GPM6A: variants seen among roughly 807,000 people sequenced by gnomAD.
GPM6A encodes glycoprotein M6A.
Under a neutral mutation model 32.1 loss-of-function variants are expected in GPM6A, and 7 were observed. The observed-to-expected ratio is 0.22, with a 90% confidence interval of 0.12 to 0.41. The LOEUF is 0.41. Among genes scored for constraint, GPM6A ranks in the 10% least tolerant of loss-of-function variants. The pLI is 1.00. For missense variants in GPM6A, 235 were observed against 347.2 expected (o/e 0.68, Z 2.57); for synonymous variants, 130 against 123.4 (o/e 1.05, Z -0.35).
chr4:175,963,803 A>AT (rs1180010375), intron 1 of GPM6A, among the ~76,000 whole-genome samples: 2 of 152,126 alleles, frequency 1.3e-5, no homozygotes, highest in Non-Finnish European at 1.5e-5. Flanking sequence ...GTATTCGATG[A>AT]TTTTATCTCA....
intron 1 of GPM6A, among the ~76,000 whole-genome samples, chr4:175,719,204 T>A (rs1325495964): frequency 3.0e-5 from 1 of 32,802 alleles, no homozygotes; most frequent in African/African-American, 6.8e-5. Context: ...ATAACACAAC[T>A]TTTTTTTTTT....
At chr4:175,670,021 C>G (rs74977362) in intron 3 of GPM6A, among the ~76,000 whole-genome samples, 3 of 151,170 alleles carry the variant, frequency 2.0e-5, no homozygotes, top group African/African-American at 7.4e-5. Flanking sequence ...AAAAAATCAA[C>G]CCGGTGACAC....
chr4:175,925,944 C>T (rs1248666021), intron 1 of GPM6A, among the ~76,000 whole-genome samples: 1 of 151,012 alleles, frequency 6.6e-6, no homozygotes, highest in African/African-American at 2.4e-5. Flanking sequence ...CTCTGCCTTC[C>T]AGGTTCAAGC....
At chr4:175,901,685 T>G (rs978842269) in intron 1 of GPM6A, among the ~76,000 whole-genome samples, 1 of 148,234 alleles carries the variant, frequency 6.7e-6, no homozygotes, top group Non-Finnish European at 1.5e-5. Flanking sequence ...TCTCCCAGGC[T>G]GGAGTGCAGT....
At chr4:175,719,456 A>G (rs1396093849) in intron 1 of GPM6A, among the ~76,000 whole-genome samples, 4 of 152,178 alleles carry the variant, frequency 2.6e-5, no homozygotes, top group Admixed American at 2.0e-4. Context: ...ATTTTAAGCC[A>G]TATTCTCAAA....
At chr4:175,757,582 G>T (rs1032728606) in intron 1 of GPM6A, among the ~76,000 whole-genome samples, 2 of 152,124 alleles carry the variant, frequency 1.3e-5, no homozygotes, top group Admixed American at 1.3e-4. Context: ...CAAAGACTAG[G>T]TTCAAAATGA....
At position 175,634,394 on chromosome 4, in the gene GPM6A, T is replaced by G. The variant is rs1329306127; in HGVS notation, c.*511A>C. Reference sequence around the variant, plus strand: ...GCCTACAGTAATATGGCCACTGATCTTCAGACAAAATTTCCATATTTCAAG... The same window carrying G: ...GCCTACAGTAATATGGCCACTGATCGTCAGACAAAATTTCCATATTTCAAG... On this transcript the variant is annotated 3_prime_UTR_variant, in exon 7 of 7. Transcript: ENST00000393658. 6.6e-6 allele frequency: 1 copy of G among 152,656 alleles called. No homozygotes were observed. Among genetic ancestry groups the G allele is most frequent in the African/African-American group, 2.4e-5 (1 of 41,450 alleles). The allele number at this position is 152,656 out of a possible 1,614,324, so 9.5% of individuals were successfully genotyped here. A position where few individuals can be genotyped will look rare whatever the true frequency, so the allele number is the denominator to read the frequency against.
In GPM6A at chr4:175,651,889, G is replaced by A. The variant is rs753324121; in HGVS notation, c.486C>T (p.Cys162=). 5 of 1,613,440 alleles carry A rather than the reference G, an allele frequency of 3.1e-6. No individual in the cohort carries two copies. The highest frequency in any genetic ancestry group is 1.7e-5 in the Admixed American group (1 of 59,966). ...CTCCCTCCACTAATGTGGTGTTCCG[G>A]CAGATGGTCCACAGATTGAAGTACA... ...VYMYFNLWTI[C]RNTTLVEGAN... is the part of the protein sequence containing the mutation. Residue 162 remains cysteine, a synonymous_variant, in exon 4 of 7, where the codon TGC becomes TGT. Coordinates refer to ENST00000393658, the MANE Select transcript of GPM6A (RefSeq NM_201591.3).
At chr4:175,925,522 A>C (rs1032309844) in intron 1 of GPM6A, among the ~76,000 whole-genome samples, 1 of 152,218 alleles carries the variant, frequency 6.6e-6, no homozygotes, top group African/African-American at 2.4e-5. Flanking sequence ...TTACAAGCTC[A>C]TTCTGCTGAA....
chr4:175,754,647 AC>A (rs1050174123), intron 1 of GPM6A, among the ~76,000 whole-genome samples: 2 of 152,176 alleles, frequency 1.3e-5, no homozygotes, highest in African/African-American at 2.4e-5. Flanking sequence ...GCACAATAAC[AC>A]TCAAAGTAAA....
At chr4:175,952,703 T>A (rs1471248603) in intron 1 of GPM6A, among the ~76,000 whole-genome samples, 1 of 152,088 alleles carries the variant, frequency 6.6e-6, no homozygotes, top group African/African-American at 2.4e-5. Context: ...TAATGAGCCA[T>A]CCTGTCCACC....
At chr4:175,801,508 T>A (rs1467404662) in intron 1 of GPM6A, among the ~76,000 whole-genome samples, 1 of 152,106 alleles carries the variant, frequency 6.6e-6, no homozygotes, top group Admixed American at 6.5e-5. Context: ...AATCTATTAA[T>A]ACCTAAAGGC....
chr4:175,945,939 T>C (rs73871299), intron 1 of GPM6A, among the ~76,000 whole-genome samples: 8,286 of 150,690 alleles, frequency 0.055, 706 homozygotes, highest in African/African-American at 0.19. Context: ...AACTAAGTAA[T>C]ACGGGTGCAT....
At chr4:175,966,085 T>A (rs1044720875) in intron 1 of GPM6A, among the ~76,000 whole-genome samples, 1 of 152,138 alleles carries the variant, frequency 6.6e-6, no homozygotes, top group Admixed American at 6.5e-5. Flanking sequence ...ACCTTTGCAA[T>A]GAAATGAACA....
intron 1 of GPM6A, among the ~76,000 whole-genome samples, chr4:175,909,046 G>GGT (rs1738228473): frequency 2.0e-5 from 2 of 98,584 alleles, no homozygotes; most frequent in South Asian, 4.4e-4. Context: ...AAAGGGCGGG[G>GGT]GGGGGGCAAC....
chr4:175,881,447 G>C (rs1326434061), intron 1 of GPM6A, among the ~76,000 whole-genome samples: 2 of 152,092 alleles, frequency 1.3e-5, no homozygotes. Flanking sequence ...AATTCCTCAG[G>C]GATCTAGAAC....
chr4:175,999,860 A>G (rs1741421040), intron 1 of GPM6A, among the ~76,000 whole-genome samples: 1 of 152,156 alleles, frequency 6.6e-6, no homozygotes, highest in Non-Finnish European at 1.5e-5. Flanking sequence ...TAAACTCCCT[A>G]CCATCCCTAC....
chr4:175,717,819 T>C (rs1444343422), intron 1 of GPM6A, among the ~76,000 whole-genome samples: 1 of 152,228 alleles, frequency 6.6e-6, no homozygotes, highest in African/African-American at 2.4e-5. Flanking sequence ...TAATGTCTTG[T>C]GGATATCATG....
chr4:175,860,540 T>C (rs1269282486), intron 1 of GPM6A, among the ~76,000 whole-genome samples: 1 of 152,134 alleles, frequency 6.6e-6, no homozygotes, highest in Non-Finnish European at 1.5e-5. Flanking sequence ...GTTAGAGAAA[T>C]TGAATCCATA....
Sources: gnomAD v4.1 joint callset for allele counts (sites outside exome capture counted in the v4.1 genomes callset) on GRCh38, gnomAD v4.1.1 for gene constraint, MANE v1.5 for transcripts, NCBI Gene and HGNC (gene_info 2026-07-23, HGNC 2026-07-21) for gene names.